Variants in CSMD1 observed in about 807,000 individuals in gnomAD.
CSMD1 encodes CUB and Sushi multiple domains 1.
CSMD1 carries 213 observed loss-of-function variants against 417.5 expected under a neutral mutation model. The ratio of observed to expected loss-of-function variants is 0.51; its 90% CI spans 0.46 to 0.57. The LOEUF (loss-of-function observed/expected upper bound fraction) is 0.57, where lower values mean the gene tolerates loss of function less well. Among genes scored for constraint, CSMD1 ranks in the 20% least tolerant of loss-of-function variants. The pLI is 0.00. For synonymous variants in CSMD1, 2,862 were observed against 1,736.8 expected (o/e 1.65, Z -16.11); for missense variants, 6,923 against 4,529.7 (o/e 1.53, Z -15.17).
chr8:4,900,025 C>T (rs1267877714), intron 1 of CSMD1, among the ~76,000 whole-genome samples: 1 of 152,180 alleles, frequency 6.6e-6, no homozygotes, highest in Non-Finnish European at 1.5e-5. Context: ...TCTCTTCTCT[C>T]TTCCTCAAAA....
intron 5 of CSMD1, among the ~76,000 whole-genome samples, chr8:3,858,887 A>G (rs2129104549): frequency 6.6e-6 from 1 of 152,302 alleles, no homozygotes; most frequent in African/African-American, 2.4e-5. Context: ...TATCGTGACA[A>G]TGTAAATCTA....
At chr8:3,905,661 GC>G (rs1227860853) in intron 5 of CSMD1, among the ~76,000 whole-genome samples, 1 of 152,112 alleles carries the variant, frequency 6.6e-6, no homozygotes, top group African/African-American at 2.4e-5. Flanking sequence ...TGCTCATACT[GC>G]CAGTCCAGGA....
intron 3 of CSMD1, among the ~76,000 whole-genome samples, chr8:4,309,780 C>T (rs1436089891): frequency 6.6e-6 from 1 of 152,096 alleles, no homozygotes; most frequent in Non-Finnish European, 1.5e-5. Context: ...ATCAATGAAG[C>T]ATAGAAACCT....
chr8:4,224,385 C>T (rs1241867479), intron 3 of CSMD1, among the ~76,000 whole-genome samples: 2 of 152,148 alleles, frequency 1.3e-5, no homozygotes, highest in Non-Finnish European at 2.9e-5. Flanking sequence ...TATTTTGATG[C>T]CAATTCAACT....
intron 1 of CSMD1, among the ~76,000 whole-genome samples, chr8:4,723,787 T>TAAAAAAAAAAA (rs57096241): frequency 1.8e-4 from 24 of 131,450 alleles, no homozygotes; most frequent in East Asian, 1.8e-3. Flanking sequence ...CTTTCGAATG[T>TAAAAAAAAAAA]AAAAAAAAAA....
chr8:4,596,826 G>A (rs550885715), intron 2 of CSMD1, among the ~76,000 whole-genome samples: 1 of 152,242 alleles, frequency 6.6e-6, no homozygotes, highest in African/African-American at 2.4e-5. Flanking sequence ...ATTGTGGGAG[G>A]GACCCAGGGG....
chr8:4,867,528 C>G (rs1245990730), intron 1 of CSMD1, among the ~76,000 whole-genome samples: 4 of 151,988 alleles, frequency 2.6e-5, no homozygotes, highest in Admixed American at 6.6e-5. Flanking sequence ...ATTTTTTTTA[C>G]CTTTGAGTAA....
At chr8:3,305,753 C>T (rs111726138) in intron 25 of CSMD1, among the ~76,000 whole-genome samples, 27 of 152,196 alleles carry the variant, frequency 1.8e-4, no homozygotes, top group African/African-American at 6.3e-4. Flanking sequence ...GATCTCAGCT[C>T]ACTGCAGGCT....
chr8:3,385,619 A>G lies in CSMD1; in HGVS notation c.2782+1875T>C, dbSNP rs140616606. On this transcript the variant is annotated intron_variant, in intron 18 of 69. Transcript: ENST00000635120. Reference sequence around the variant, plus strand: ...GGAATTTTATAAGAGTTTACTATTAATTATGGTGTTTTCTGTAGGCAAATT... The same window carrying G: ...GGAATTTTATAAGAGTTTACTATTAGTTATGGTGTTTTCTGTAGGCAAATT... Among the ~76,000 whole-genome samples, 666 of 152,284 alleles carry G rather than the reference A, an allele frequency of 4.4e-3. 2 individuals are homozygous for G. The highest frequency in any genetic ancestry group is 0.034 in the Middle Eastern group (10 of 294).
chr8:3,825,577 C>G (rs1802010119), intron 5 of CSMD1, among the ~76,000 whole-genome samples: 1 of 123,584 alleles, frequency 8.1e-6, no homozygotes, highest in Non-Finnish European at 1.7e-5. Context: ...GTTTGATTAC[C>G]TAGAAGAGTG....
At chr8:4,680,975 TGAGAGA>T (rs59872965) in intron 1 of CSMD1, among the ~76,000 whole-genome samples, 87 of 136,776 alleles carry the variant, frequency 6.4e-4, no homozygotes, top group African/African-American at 2.1e-3. Flanking sequence ...TGTGTGTGTG[TGAGAGA>T]GAGAGAGAGA....
At chr8:3,457,564 C>T (rs780118662) in intron 12 of CSMD1, among the ~76,000 whole-genome samples, 5 of 152,144 alleles carry the variant, frequency 3.3e-5, no homozygotes, top group Non-Finnish European at 5.9e-5. Flanking sequence ...AGGATATGTA[C>T]GCGGTTTAAA....
intron 4 of CSMD1, among the ~76,000 whole-genome samples, chr8:4,020,814 A>G (rs1177124665): frequency 1.3e-5 from 2 of 152,214 alleles, no homozygotes; most frequent in Non-Finnish European, 2.9e-5. Flanking sequence ...AACTTTTTAG[A>G]TTAATCAAGA....
intron 1 of CSMD1, among the ~76,000 whole-genome samples, chr8:4,946,196 C>G (rs1180396071): frequency 6.6e-6 from 1 of 152,164 alleles, no homozygotes; most frequent in African/African-American, 2.4e-5. Flanking sequence ...TGGTCTGACT[C>G]AACATACTTA....
chr8:4,389,951 A>G (rs1803730514), intron 3 of CSMD1, among the ~76,000 whole-genome samples: 3 of 152,172 alleles, frequency 2.0e-5, no homozygotes, highest in African/African-American at 7.2e-5. Flanking sequence ...ATGTCCTATG[A>G]TATGCATGCA....
At chr8:3,240,753 A>C (rs888998312) in intron 26 of CSMD1, among the ~76,000 whole-genome samples, 1 of 152,120 alleles carries the variant, frequency 6.6e-6, no homozygotes, top group Non-Finnish European at 1.5e-5. Flanking sequence ...TTAGGAGAGT[A>C]TATGGGTTTG....
At chr8:4,106,530 T>C (rs1158905164) in intron 3 of CSMD1, among the ~76,000 whole-genome samples, 1 of 152,178 alleles carries the variant, frequency 6.6e-6, no homozygotes, top group Non-Finnish European at 1.5e-5. Flanking sequence ...CCTATGATAT[T>C]TTAAATTTAA....
At chr8:4,283,235 T>A (rs914382580) in intron 3 of CSMD1, among the ~76,000 whole-genome samples, 4 of 152,194 alleles carry the variant, frequency 2.6e-5, no homozygotes, top group African/African-American at 4.8e-5. Context: ...GTATCCACTA[T>A]CCTTTTGCAA....
intron 2 of CSMD1, among the ~76,000 whole-genome samples, chr8:4,425,970 G>T (rs904362048): frequency 6.6e-6 from 1 of 151,754 alleles, no homozygotes; most frequent in Non-Finnish European, 1.5e-5. Context: ...TAGAGAGGTA[G>T]ACATAGCCCA....
Sources: allele counts gnomAD v4.1 joint callset (sites outside exome capture counted in the v4.1 genomes callset), GRCh38; gene constraint gnomAD v4.1.1; transcripts MANE v1.5; gene names NCBI Gene and HGNC (gene_info 2026-07-23, HGNC 2026-07-21).